Variants in C1orf159 observed in about 807,000 individuals in gnomAD.
C1orf159 encodes chromosome 1 open reading frame 159.
In C1orf159, 19 loss-of-function variants were observed where a neutral mutation model predicts 25.6. The ratio of observed to expected loss-of-function variants is 0.74; its 90% confidence interval spans 0.52 to 1.09. The LOEUF (loss-of-function observed/expected upper bound fraction) is 1.09. Among genes scored for constraint, C1orf159 ranks in the 50% least tolerant of loss-of-function variants. The pLI, the probability that C1orf159 is intolerant of heterozygous loss-of-function variation, is 0.00. For synonymous variants in C1orf159, 139 were observed against 124.7 expected, an observed-to-expected ratio of 1.12 and a Z score of -0.77; for missense variants, 274 against 290.6, an observed-to-expected ratio of 0.94 and a Z score of 0.42.
chr1:1,084,418 G>T (rs745997151), intron 8 of C1orf159, 35 bp from the exon 9 acceptor site: 2 of 1,581,150 alleles, frequency 1.3e-6, no homozygotes, highest in Non-Finnish European at 1.7e-6. Context: ...TGAGGACTCG[G>T]GATGGCCTGG....
At position 1,082,979 on chromosome 1, in the gene C1orf159, G is replaced by A. The variant is rs1385918289; in HGVS notation, c.511C>T (p.Pro171Ser). ...IPPPQSSVRK[P>S]RYVRRERPLD... ...GGCCGCTCCCGCCTGACGTAGCGCG[G>A]CTTCCGTACTGAAACGGGTCAGAGA... The change falls in exon 10 of 10, where the codon CCG becomes TCG. Residue 171 changes from proline (P) to serine (S), a missense_variant. Pro to Ser is a moderately conservative substitution (Grantham distance 74, BLOSUM62 -1). Coordinates refer to ENST00000421241, the MANE Select transcript of C1orf159 (RefSeq NM_017891.5). 6 of 1,598,444 alleles carry A rather than the reference G, an allele frequency of 3.8e-6. No individual in the cohort carries two copies. The highest frequency in any genetic ancestry group is 2.6e-6 in the Non-Finnish European group (3 of 1,173,062).
chr1:1,098,191 G>A (rs947874231), intron 1 of C1orf159, among the ~76,000 whole-genome samples: 28 of 151,590 alleles, frequency 1.8e-4, no homozygotes, highest in African/African-American at 6.8e-4. Context: ...TGCCCCAGCC[G>A]CCCGAGTAGC....
chr1:1,097,493 G>C (rs1646023926), intron 1 of C1orf159, among the ~76,000 whole-genome samples: 1 of 151,890 alleles, frequency 6.6e-6, no homozygotes, highest in Non-Finnish European at 1.5e-5. Flanking sequence ...GTTCACTGCA[G>C]CCTCAACCTC....
rs541446650 is a variant in C1orf159, at chr1:1,084,681, T to G, written c.446-175A>C. Among the ~76,000 whole-genome samples the G allele has an allele frequency of 2.0e-5, 3 of 152,150 alleles. No homozygotes were observed. The South Asian group carries it at 6.2e-4, about 32-fold the overall frequency. ...GGTCTCCCCCAACCTCTCCCTGCGG[T>G]GCATCAGCCTGGCCCTCGGTCCTGC... On this transcript the variant is annotated intron_variant, in intron 7 of 9. Transcript: ENST00000421241.
At chr1:1,085,745 G>A (rs1188671678) in intron 7 of C1orf159, 133 bp downstream of exon 7, 1 of 1,180,114 alleles carries the variant, frequency 8.5e-7, no homozygotes, top group African/African-American at 1.5e-5. Flanking sequence ...AAAGCCACAG[G>A]ACAGGCCCTG....
intron 6 of C1orf159, among the ~76,000 whole-genome samples, chr1:1,086,657 C>T (rs6701114): frequency 0.56 from 84,588 of 152,170 alleles, 23,871 homozygotes; most frequent in East Asian, 0.76. Context: ...AGGCCAACCC[C>T]ACCCTAAAAC....
At chr1:1,085,692 G>A (rs529024117) in intron 7 of C1orf159, among the ~76,000 whole-genome samples, 186 bp downstream of exon 7, 8 of 152,328 alleles carry the variant, frequency 5.3e-5, no homozygotes, top group Admixed American at 1.3e-4. Flanking sequence ...ATCCACACAC[G>A]GCTGTTTCCG....
rs559353106 is a variant in C1orf159 at position 1,099,466 on chromosome 1, A to C, written c.-135-7363T>G. ...ATTGATGTTTTTGGTCGATTGTTCT[A>C]AGAATTGCAGAGAGAGAGGTTAAAA... On this transcript the variant is annotated intron_variant, in intron 1 of 9. Coordinates refer to ENST00000421241, the MANE Select transcript of C1orf159 (RefSeq NM_017891.5). Among the ~76,000 whole-genome samples, 68 of 150,750 alleles carry C rather than the reference A, an allele frequency of 4.5e-4. 1 individual carries two copies. The highest frequency in any genetic ancestry group is 1.6e-3 in the African/African-American group (64 of 40,674).
intron 7 of C1orf159, chr1:1,085,184 G>A: frequency 3.0e-6 from 1 of 336,250 alleles, no homozygotes; most frequent in Admixed American, 3.4e-5. Context: ...ACAGCAGCCA[G>A]GTGGGGCTGC....
Position 1,087,099 on chromosome 1 carries a change from A to G in C1orf159, c.310+40T>C, listed in dbSNP as rs1036782354. On this transcript the variant is annotated intron_variant, in intron 6 of 9. Coordinates refer to ENST00000421241, the MANE Select transcript of C1orf159 (RefSeq NM_017891.5). This position sits in a 1 kb window ranked among gnomAD's most constrained non-coding sequence, Gnocchi z 8.3. ...CTGGCTCCGACGGCCCCCAGCCCCC[A>G]GGACACCGGCAGAGGTGGCTGTGGC... is the stretch of plus-strand genomic sequence containing the variant. 6.3e-7 allele frequency: 1 copy of G among 1,586,878 alleles called. No homozygotes were observed. The highest frequency in any genetic ancestry group is 8.6e-7 in the Non-Finnish European group (1 of 1,166,714).
At chr1:1,090,704 C>T (rs576572266) in intron 3 of C1orf159, 11 of 734,050 alleles carry the variant, frequency 1.5e-5, no homozygotes, top group African/African-American at 6.9e-5. Context: ...AGGCGGCACC[C>T]GCAGGCCATG....
At chr1:1,109,117 A>ACC (rs1646223235) in intron 1 of C1orf159, among the ~76,000 whole-genome samples, 2 of 91,048 alleles carry the variant, frequency 2.2e-5, no homozygotes, top group African/African-American at 1.7e-4. Flanking sequence ...CACCACAGCC[A>ACC]AAAGGTGGGA....
intron 2 of C1orf159, chr1:1,091,784 G>T: frequency 5.8e-6 from 3 of 520,246 alleles, no homozygotes; most frequent in South Asian, 3.8e-5. Flanking sequence ...GAAGTGGGCG[G>T]GGCTGTGGCA....
chr1:1,093,915 G>A (rs1181989544), intron 1 of C1orf159, among the ~76,000 whole-genome samples: 2 of 152,216 alleles, frequency 1.3e-5, no homozygotes, highest in African/African-American at 2.4e-5. Context: ...GTGGGTGCAC[G>A]CAGGGTGTCC....
At chr1:1,112,314 T>G (rs990372385) in intron 1 of C1orf159, among the ~76,000 whole-genome samples, 1 of 152,228 alleles carries the variant, frequency 6.6e-6, no homozygotes, top group Non-Finnish European at 1.5e-5. Flanking sequence ...TTCTATGACC[T>G]TCTAGGGACG....
intron 6 of C1orf159, 135 bp from the exon 7 acceptor site, chr1:1,086,147 C>T (rs1645827492): frequency 1.8e-6 from 2 of 1,138,842 alleles, no homozygotes; most frequent in Non-Finnish European, 2.5e-6. Context: ...GCTGTGGGTG[C>T]CGAGGGCTCT....
intron 1 of C1orf159, among the ~76,000 whole-genome samples, chr1:1,096,754 T>C (rs1646014315): frequency 6.6e-6 from 1 of 152,160 alleles, no homozygotes; most frequent in Non-Finnish European, 1.5e-5. Context: ...AGACATGGCC[T>C]CACTCTGTCA....
At position 1,084,526 on chromosome 1, in the gene C1orf159, G is replaced by C; in HGVS notation, c.446-20C>G. On this transcript the variant is annotated intron_variant, in intron 7 of 9. Coordinates refer to ENST00000421241, the MANE Select transcript of C1orf159 (RefSeq NM_017891.5). ...CCGGAGCTGTGGGGGAGAAAGCGGAGAGTCACCCTGGAGCCCAGGAGCTGC... is the reference window on the plus strand; with the variant it reads ...CCGGAGCTGTGGGGGAGAAAGCGGACAGTCACCCTGGAGCCCAGGAGCTGC... 2.6e-6 allele frequency: 4 copies of C among 1,550,828 alleles called. No individual in the cohort carries two copies. Among genetic ancestry groups the C allele is most frequent in the Non-Finnish European group, 3.5e-6 (4 of 1,147,526 alleles).
rs1460808232 is a variant in C1orf159, at chr1:1,115,692, G to T, written c.-136+368C>A. Among the ~76,000 whole-genome samples the T allele has an allele frequency of 1.7e-4, 12 of 71,454 alleles. 1 individual carries two copies. The highest frequency in any genetic ancestry group is 1.4e-3 in the Admixed American group (11 of 7,830). The allele number at this position is 71,454 out of a possible 152,430, so 46.9% of individuals were successfully genotyped here. A position where few individuals can be genotyped will look rare whatever the true frequency, so the allele number is the denominator to read the frequency against. ...CCCGGGAACCTTTCCCCTCCCCAGG[G>T]ACCCCCCCTCCCCGCTCCGGGAACC... On this transcript the variant is annotated intron_variant, in intron 1 of 9. Coordinates refer to ENST00000421241, the MANE Select transcript of C1orf159 (RefSeq NM_017891.5).
Sources: allele counts gnomAD v4.1 joint callset (sites outside exome capture counted in the v4.1 genomes callset), GRCh38; gene constraint gnomAD v4.1.1; non-coding constraint Gnocchi (gnomAD v3.1); transcripts MANE v1.5; gene names NCBI Gene and HGNC (gene_info 2026-07-23, HGNC 2026-07-21).